The following RXFP2 variants were observed in gnomAD, a reference collection of about 807,000 sequenced individuals.
The protein encoded by RXFP2 is relaxin receptor 2.
RXFP2 carries 68 observed loss-of-function variants against 88.6 expected under a neutral mutation model. That is an observed-to-expected ratio of 0.77 (90% confidence interval 0.63 to 0.94). The LOEUF (loss-of-function observed/expected upper bound fraction) is 0.94. RXFP2 is among the 40% of genes least tolerant of loss of function. RXFP2 has a pLI of 0.00. For missense variants in RXFP2, 791 were observed against 893.9 expected (o/e 0.88, Z 1.47); for synonymous variants, 329 against 306.8 (o/e 1.07, Z -0.76).
chr13:31,768,487 C>T, intron 5 of RXFP2, among the ~76,000 whole-genome samples: 1 of 152,140 alleles, frequency 6.6e-6, no homozygotes, highest in Non-Finnish European at 1.5e-5. Flanking sequence ...ACAGCAGTTT[C>T]AGGAATGAGG....
At chr13:31,776,077 T>TTTCTTTCC (rs1555284048) in intron 7 of RXFP2, among the ~76,000 whole-genome samples, 8 of 111,478 alleles carry the variant, frequency 7.2e-5, no homozygotes, top group Admixed American at 2.6e-4. Context: ...TCTTTCTTTC[T>TTTCTTTCC]TTCCTTCCTT....
chr13:31,762,200 A>G (rs1174183533), intron 3 of RXFP2, among the ~76,000 whole-genome samples: 3 of 152,238 alleles, frequency 2.0e-5, no homozygotes, highest in Non-Finnish European at 4.4e-5. Flanking sequence ...CAGTGATGAT[A>G]TAATATTATT....
At chr13:31,785,294 C>A (rs903853881) in intron 11 of RXFP2, among the ~76,000 whole-genome samples, 1 of 152,058 alleles carries the variant, frequency 6.6e-6, no homozygotes, top group South Asian at 2.1e-4. Context: ...CTCTCCATGA[C>A]GTCCTCTACC....
intron 11 of RXFP2, among the ~76,000 whole-genome samples, chr13:31,784,123 A>G (rs6563803): frequency 0.6 from 91,203 of 151,408 alleles, 27,638 homozygotes; most frequent in East Asian, 0.77. Flanking sequence ...CACCACGCCC[A>G]ACCCAGAGGG....
At chr13:31,763,251 A>G (rs972029893) in intron 3 of RXFP2, among the ~76,000 whole-genome samples, 2 of 151,914 alleles carry the variant, frequency 1.3e-5, no homozygotes, top group African/African-American at 4.8e-5. Context: ...TGCCTGGCTA[A>G]TTTTCATATT....
chr13:31,749,101 C>T (rs754368063), intron 1 of RXFP2, among the ~76,000 whole-genome samples: 7 of 152,094 alleles, frequency 4.6e-5, no homozygotes, highest in African/African-American at 9.7e-5. Context: ...TTGTATTCTC[C>T]TTAATACATC....
intron 11 of RXFP2, among the ~76,000 whole-genome samples, chr13:31,786,181 G>C (rs973794195): frequency 6.6e-6 from 1 of 152,158 alleles, no homozygotes; most frequent in Non-Finnish European, 1.5e-5. Flanking sequence ...GGAACTGGAC[G>C]AGCAAAGTGT....
intron 5 of RXFP2, among the ~76,000 whole-genome samples, chr13:31,774,275 C>T (rs1321408959): frequency 2.6e-5 from 4 of 152,178 alleles, no homozygotes; most frequent in African/African-American, 9.7e-5. Flanking sequence ...TTCAGCAGTG[C>T]GAGGCTGGCT....
intron 13 of RXFP2, among the ~76,000 whole-genome samples, chr13:31,787,552 T>C (rs540360501): frequency 2.7e-4 from 41 of 152,366 alleles, no homozygotes; most frequent in Non-Finnish European, 4.9e-4. Context: ...CACTACATAA[T>C]GCCTTCCTGA....
chr13:31,793,413 T>C (rs986268728), intron 16 of RXFP2, among the ~76,000 whole-genome samples: 2 of 149,018 alleles, frequency 1.3e-5, no homozygotes, highest in African/African-American at 2.5e-5. Context: ...CCTGTAAACC[T>C]ACCAAGTTAT....
intron 1 of RXFP2, among the ~76,000 whole-genome samples, chr13:31,744,625 T>C (rs1435996938): frequency 6.6e-6 from 1 of 152,212 alleles, no homozygotes; most frequent in Non-Finnish European, 1.5e-5. Context: ...TCAGTGTTAA[T>C]AGAATGTGTC....
intron 13 of RXFP2, among the ~76,000 whole-genome samples, chr13:31,787,508 G>T (rs766237016): frequency 6.6e-6 from 1 of 152,152 alleles, no homozygotes; most frequent in Non-Finnish European, 1.5e-5. Context: ...TTTGCTTACC[G>T]CATACTGCAT....
chr13:31,786,521 C>G lies in RXFP2; in HGVS notation c.1002-45C>G, dbSNP rs780128213. ...ATTTTGAGCTTTCAAAATAATAATA[C>G]CTTCAAACTTCTTTTCCTCTCTCAT... On this transcript the variant is annotated intron_variant, in intron 12 of 17. Coordinates refer to ENST00000298386, the MANE Select transcript of RXFP2 (RefSeq NM_130806.5). 3 of 1,531,092 alleles carry G rather than the reference C, an allele frequency of 2.0e-6. No individual in the cohort carries two copies. The East Asian group carries it at 6.8e-5, about 35-fold the overall frequency. The allele number at this position is 1,531,092 out of a possible 1,614,324, so 94.8% of individuals were successfully genotyped here.
rs776189347 is a variant in RXFP2 at position 31,786,463 on chromosome 13, T to C, written c.1001+9T>C. On this transcript the variant is annotated intron_variant, in intron 12 of 17. Transcript: ENST00000298386. ...AAGCTTCTACAAAAGCTGTAAGTTC[T>C]ACTTCTCACCATAATCAGATTTAAA... 18 of 1,592,040 alleles carry C rather than the reference T, an allele frequency of 1.1e-5. No individual in the cohort carries two copies. The highest frequency in any genetic ancestry group is 1.5e-5 in the Non-Finnish European group (17 of 1,159,962).
At chr13:31,756,959 TAGCCAAC>T (rs1415821841) in intron 1 of RXFP2, among the ~76,000 whole-genome samples, 1 of 152,184 alleles carries the variant, frequency 6.6e-6, no homozygotes, top group Non-Finnish European at 1.5e-5. Flanking sequence ...GTAATTTTAT[TAGCCAAC>T]TTAAAACATG....
intron 9 of RXFP2, among the ~76,000 whole-genome samples, chr13:31,780,016 A>T (rs1873191296): frequency 6.6e-6 from 1 of 152,242 alleles, no homozygotes; most frequent in African/African-American, 2.4e-5. Flanking sequence ...ACACAATGGG[A>T]AACACACAGG....
Position 31,742,425 on chromosome 13 carries a change from G to A in RXFP2, c.94+2719G>A, listed in dbSNP as rs191278435. On this transcript the variant is annotated intron_variant, in intron 1 of 17. Coordinates refer to ENST00000298386, the MANE Select transcript of RXFP2 (RefSeq NM_130806.5). ...TTTCACAACTTTATATTCATGCTGTGGATAGTTGTGAAAATCAATTATGTT... is the reference window on the plus strand; with the variant it reads ...TTTCACAACTTTATATTCATGCTGTAGATAGTTGTGAAAATCAATTATGTT... Among the ~76,000 whole-genome samples the A allele has an allele frequency of 7.2e-5, 11 of 152,268 alleles. No individual in the cohort carries two copies. In the South Asian group the frequency reaches 1.0e-3, roughly 14 times the overall value.
chr13:31,765,870 A>G, intron 4 of RXFP2, 86 bp from the exon 5 acceptor site: 5 of 726,746 alleles, frequency 6.9e-6, no homozygotes, highest in Non-Finnish European at 1.2e-5. Flanking sequence ...GTCATCAAAT[A>G]TTCTTTTCCC....
intron 5 of RXFP2, among the ~76,000 whole-genome samples, chr13:31,771,166 A>C (rs983903444): frequency 6.6e-6 from 1 of 152,150 alleles, no homozygotes; most frequent in Admixed American, 6.5e-5. Context: ...TGTGTTTTAG[A>C]CTGTATTGAG....
Sources: allele counts gnomAD v4.1 joint callset (sites outside exome capture counted in the v4.1 genomes callset), GRCh38; gene constraint gnomAD v4.1.1; transcripts MANE v1.5; gene names NCBI Gene and HGNC (gene_info 2026-07-23, HGNC 2026-07-21).